Variants in BPIFC observed in about 807,000 individuals in gnomAD.
The protein encoded by BPIFC is BPI fold-containing family C protein.
In BPIFC, 60 loss-of-function variants were observed where a neutral mutation model predicts 57.6. That is an observed-to-expected ratio of 1.04 (90% CI 0.85 to 1.29). The LOEUF (loss-of-function observed/expected upper bound fraction) is 1.29. BPIFC is among the 50% of genes most tolerant of loss of function. The probability of loss-of-function intolerance (pLI) is 0.00; values close to 1 mark genes in which losing one functional copy is unlikely to be tolerated. For synonymous variants in BPIFC, 243 were observed against 224.5 expected (o/e 1.08, Z -0.74); for missense variants, 581 against 600.5 (o/e 0.97, Z 0.34).
In BPIFC at chr22:32,451,165, T is replaced by C. The variant is rs1447235277; in HGVS notation, c.245+2218A>G. 7.9e-5 allele frequency among the ~76,000 whole-genome samples: 12 copies of C among 152,322 alleles called. 1 individual carries two copies. Among genetic ancestry groups the C allele is most frequent in the Admixed American group, 6.5e-4 (10 of 15,304 alleles). On this transcript the variant is annotated intron_variant, in intron 4 of 16. Coordinates refer to ENST00000300399, the MANE Select transcript of BPIFC (RefSeq NM_174932.3). ...GTCTAGCAATGCATGAAAATACCTG[T>C]TTCCAGCTTCATCCACGTCCCTACA...
At chr22:32,422,074 G>A (rs1174168624) in intron 13 of BPIFC, among the ~76,000 whole-genome samples, 1 of 152,186 alleles carries the variant, frequency 6.6e-6, no homozygotes, top group Non-Finnish European at 1.5e-5. Flanking sequence ...AGACAGGATT[G>A]ACTAGGCTCA....
intron 13 of BPIFC, among the ~76,000 whole-genome samples, chr22:32,430,039 A>G (rs147183495): frequency 4.0e-4 from 61 of 152,270 alleles, no homozygotes; most frequent in African/African-American, 1.4e-3. Context: ...GGCTGAGGAA[A>G]ATGGGCTTTG....
intron 2 of BPIFC, among the ~76,000 whole-genome samples, chr22:32,461,319 G>C (rs1465234933): frequency 6.6e-6 from 1 of 152,218 alleles, no homozygotes; most frequent in East Asian, 1.9e-4. Flanking sequence ...GAGCAGTGTT[G>C]GGAGCAGAGC....
intron 11 of BPIFC, among the ~76,000 whole-genome samples, chr22:32,433,161 C>A (rs944879907): frequency 2.0e-5 from 3 of 152,300 alleles, no homozygotes; most frequent in Admixed American, 2.0e-4. Context: ...CAAGATCGTG[C>A]CACTGCACTC....
chr22:32,430,784 C>T (rs909375921), intron 13 of BPIFC, among the ~76,000 whole-genome samples: 6 of 151,658 alleles, frequency 4.0e-5, no homozygotes, highest in African/African-American at 1.2e-4. Flanking sequence ...GGGATTACAG[C>T]GGTGCACACC....
At chr22:32,431,439 A>ATTTATTTATTTTTTTTATTTTTTT in intron 12 of BPIFC, 25 bp from the exon 13 acceptor site, 1 of 1,343,078 alleles carries the variant, frequency 7.4e-7, no homozygotes, top group Non-Finnish European at 1.1e-6. Flanking sequence ...AGCATTTATT[A>ATTTATTTATTTTTTTTATTTTTTT]TTAAGACGAG....
intron 4 of BPIFC, among the ~76,000 whole-genome samples, chr22:32,450,163 C>T (rs868461728): frequency 2.7e-5 from 4 of 150,406 alleles, no homozygotes; most frequent in Admixed American, 1.3e-4. Flanking sequence ...TATATACACA[C>T]ATATATATAA....
intron 12 of BPIFC, 25 bp from the exon 13 acceptor site, chr22:32,431,439 A>ATTTATTTTTTTTTT: frequency 1.5e-6 from 2 of 1,343,070 alleles, no homozygotes; most frequent in South Asian, 1.2e-5. Flanking sequence ...AGCATTTATT[A>ATTTATTTTTTTTTT]TTAAGACGAG....
At chr22:32,441,408 T>A (rs965541337) in intron 8 of BPIFC, among the ~76,000 whole-genome samples, 1 of 152,202 alleles carries the variant, frequency 6.6e-6, no homozygotes, top group Non-Finnish European at 1.5e-5. Context: ...ACTACTCCCA[T>A]GACGGCAGGT....
chr22:32,417,188 G>A, intron 14 of BPIFC, 40 bp from the exon 15 acceptor site: 2 of 1,337,174 alleles, frequency 1.5e-6, no homozygotes, highest in Non-Finnish European at 2.0e-6. Context: ...GGCAGATCGG[G>A]CTTTTTTTTT....
intron 1 of BPIFC, among the ~76,000 whole-genome samples, chr22:32,463,529 A>G (rs1935204750): frequency 6.6e-6 from 1 of 152,314 alleles, no homozygotes; most frequent in Admixed American, 6.5e-5. Context: ...AAACTCACAG[A>G]TGGTCCTACT....
In BPIFC at chr22:32,437,844, G is replaced by T. The variant is rs763680737; in HGVS notation, c.663C>A (p.Thr221=). 4 of 1,604,830 alleles carry T rather than the reference G, an allele frequency of 2.5e-6. No homozygotes were observed. The highest frequency in any genetic ancestry group is 3.4e-6 in the Non-Finnish European group (4 of 1,172,576). The part of the protein sequence containing the change: ...NANLSTLEVL[T]KIDNYTLLDY... ...CCAGCAGAGTGTAGTTGTCAATCTT[G>T]GTTAAAACTAAATAACCAACAAAGA... The change falls in exon 9 of 17, where the codon ACC becomes ACA. Residue 221 remains threonine (T), a synonymous_variant. Transcript: ENST00000300399.
chr22:32,451,514 A>G (rs1934894569), intron 4 of BPIFC, among the ~76,000 whole-genome samples: 1 of 152,012 alleles, frequency 6.6e-6, no homozygotes, highest in African/African-American at 2.4e-5. Context: ...GGACACAGGA[A>G]GGGGAATATC....
chr22:32,414,426 C>G lies in BPIFC; in HGVS notation c.1402-1G>C. 6 of 1,613,220 alleles carry G rather than the reference C, an allele frequency of 3.7e-6. No homozygotes were observed. Among genetic ancestry groups the G allele is most frequent in the Non-Finnish European group, 5.1e-6 (6 of 1,179,494 alleles). On this transcript the variant is annotated splice_acceptor_variant, in intron 16 of 16. Coordinates refer to ENST00000300399, the MANE Select transcript of BPIFC (RefSeq NM_174932.3). LOFTEE classifies it high-confidence loss of function. Reference sequence around the variant, plus strand: ...GGTCGGTGGAAATCAAAAGGAAACCCTGGAAAGGATGTGACAATGAAGATA... The same window carrying G: ...GGTCGGTGGAAATCAAAAGGAAACCGTGGAAAGGATGTGACAATGAAGATA...
In BPIFC at chr22:32,432,489, C is replaced by A. The variant is rs1180088037; in HGVS notation, c.1033G>T (p.Glu345Ter). ...GGTTGTAGATTGATTATGGGAGGCT[C>A]TGTGGCCATGATCCTCACCATGAAG... is the stretch of plus-strand genomic sequence containing the variant. ...QPFMVRIMAT[E>*]PPIINLQPGN... The change falls in exon 12 of 17, where the codon GAG becomes TAG. Residue 345 changes from glutamate to a stop codon, truncating the protein, a stop_gained. Coordinates refer to ENST00000300399, the MANE Select transcript of BPIFC (RefSeq NM_174932.3). LOFTEE classifies it high-confidence loss of function. The A allele has an allele frequency of 6.2e-7, 1 of 1,614,122 alleles. No individual in the cohort carries two copies. The highest frequency in any genetic ancestry group is 8.5e-7 in the Non-Finnish European group (1 of 1,180,018).
At chr22:32,422,435 G>A (rs551699531) in intron 13 of BPIFC, among the ~76,000 whole-genome samples, 8 of 152,244 alleles carry the variant, frequency 5.3e-5, no homozygotes, top group South Asian at 2.1e-4. Flanking sequence ...AGCTGGGCGC[G>A]GTGGCTCACA....
chr22:32,453,247 A>T, intron 4 of BPIFC, 136 bp downstream of exon 4: 1 of 603,144 alleles, frequency 1.7e-6, no homozygotes, highest in Non-Finnish European at 2.6e-6. Flanking sequence ...TGAGAATAGA[A>T]ACCAGAGCTA....
At chr22:32,426,425 T>G (rs1330370935) in intron 13 of BPIFC, among the ~76,000 whole-genome samples, 1 of 152,172 alleles carries the variant, frequency 6.6e-6, no homozygotes, top group Non-Finnish European at 1.5e-5. Context: ...TTGGCTCCTC[T>G]GCAAAGTCTT....
In BPIFC at chr22:32,424,643, T is replaced by TC. The variant is rs1458949544; in HGVS notation, c.1218-5240dup. Among the ~76,000 whole-genome samples, 4 of 6,932 alleles carry TC rather than the reference T, an allele frequency of 5.8e-4. 1 individual carries two copies. Among genetic ancestry groups the TC allele is most frequent in the African/African-American group, 2.8e-3 (2 of 726 alleles). 4.5% of individuals were successfully genotyped at this position (6,932 alleles called of 152,430 possible). On this transcript the variant is annotated intron_variant, in intron 13 of 16. Transcript: ENST00000300399. ...CCTCCTCCTCCTCTTCTTCTTCTTC[T>TC]CTTCTTCTTCTTCTTCTTCTTCTTC... is the stretch of plus-strand genomic sequence containing the variant.
Sources: allele counts gnomAD v4.1 joint callset (sites outside exome capture counted in the v4.1 genomes callset), GRCh38; gene constraint gnomAD v4.1.1; transcripts MANE v1.5; gene names NCBI Gene and HGNC (gene_info 2026-07-23, HGNC 2026-07-21).